PLCB4: variants seen among roughly 807,000 people sequenced by gnomAD.
PLCB4 encodes 1-phosphatidylinositol 4,5-bisphosphate phosphodiesterase beta-4.
Under a neutral mutation model 178.8 loss-of-function variants are expected in PLCB4, and 77 were observed. The observed-to-expected ratio is 0.43, with a 90% confidence interval of 0.36 to 0.52. The LOEUF is 0.52. PLCB4 is among the 20% of genes least tolerant of loss of function. The pLI, the probability that PLCB4 is intolerant of heterozygous loss-of-function variation, is 0.00. For missense variants in PLCB4, 1,024 were observed against 1,453.4 expected (o/e 0.70, Z 4.80); for synonymous variants, 496 against 490.8 (o/e 1.01, Z -0.14).
chr20:9,114,620 G>T (rs1372147096), intron 2 of PLCB4, among the ~76,000 whole-genome samples: 1 of 152,106 alleles, frequency 6.6e-6, no homozygotes. Flanking sequence ...TCAAATGTGG[G>T]ATTAATCAGG....
At chr20:9,180,721 C>T (rs908978028) in intron 2 of PLCB4, among the ~76,000 whole-genome samples, 2 of 152,138 alleles carry the variant, frequency 1.3e-5, no homozygotes, top group Non-Finnish European at 2.9e-5. Context: ...ATCACATTCA[C>T]GCCCATTTCA....
At chr20:9,382,607 C>T (rs958027445) in intron 13 of PLCB4, among the ~76,000 whole-genome samples, 1 of 152,120 alleles carries the variant, frequency 6.6e-6, no homozygotes, top group Non-Finnish European at 1.5e-5. Context: ...GATCCTTCTG[C>T]CTGGACTGGT....
At chr20:9,220,059 A>C (rs997163605) in intron 3 of PLCB4, among the ~76,000 whole-genome samples, 8 of 152,190 alleles carry the variant, frequency 5.3e-5, no homozygotes, top group African/African-American at 1.7e-4. Context: ...AAACTCCTAA[A>C]ATAGAAAATA....
At chr20:9,174,083 C>G (rs997523011) in intron 2 of PLCB4, among the ~76,000 whole-genome samples, 1 of 152,084 alleles carries the variant, frequency 6.6e-6, no homozygotes, top group Non-Finnish European at 1.5e-5. Flanking sequence ...TAAAACAACT[C>G]TCCTTTATTT....
intron 33 of PLCB4, 32 bp downstream of exon 33, chr20:9,453,494 C>G (rs1371752259): frequency 7.8e-6 from 10 of 1,278,618 alleles, no homozygotes; most frequent in Non-Finnish European, 1.1e-5. Context: ...TGAAGACTTT[C>G]TCTATGTTTA....
intron 12 of PLCB4, among the ~76,000 whole-genome samples, chr20:9,375,155 A>G (rs944335213): frequency 1.1e-4 from 17 of 152,176 alleles, no homozygotes; most frequent in Admixed American, 2.6e-4. Context: ...AGACAAAAAC[A>G]TGAATGTCGG....
Position 9,123,194 on chromosome 20 carries a change from G to A in PLCB4, c.-79+26852G>A, listed in dbSNP as rs535585673. ...AAATTGGAGATTTCCATTTGATTCA[G>A]TGAAGCTACAGTCTATTAAAAAAAG... On this transcript the variant is annotated intron_variant, in intron 2 of 39. Coordinates refer to ENST00000378473, the MANE Select transcript of PLCB4 (RefSeq NM_001377142.1). 2.0e-5 allele frequency among the ~76,000 whole-genome samples: 3 copies of A among 152,226 alleles called. No individual in the cohort carries two copies. In the East Asian group the frequency reaches 5.8e-4, roughly 29 times the overall value.
At chr20:9,088,017 T>C (rs963490458) in intron 1 of PLCB4, among the ~76,000 whole-genome samples, 1 of 152,208 alleles carries the variant, frequency 6.6e-6, no homozygotes, top group Non-Finnish European at 1.5e-5. Context: ...AGCCTGCTTC[T>C]ACTTCTACTG....
At chr20:9,304,030 C>A (rs1472810647) in intron 3 of PLCB4, among the ~76,000 whole-genome samples, 2 of 152,008 alleles carry the variant, frequency 1.3e-5, no homozygotes, top group Non-Finnish European at 2.9e-5. Flanking sequence ...GTGTCTCTCA[C>A]TCTTGCTCTA....
chr20:9,131,657 C>G (rs776552526), intron 2 of PLCB4, among the ~76,000 whole-genome samples: 75 of 152,290 alleles, frequency 4.9e-4, no homozygotes, highest in Middle Eastern at 6.8e-3. Context: ...GCAAAAGAAT[C>G]TGGTTTACAA....
chr20:9,369,652 G>A (rs934345806), intron 9 of PLCB4, among the ~76,000 whole-genome samples: 2 of 152,138 alleles, frequency 1.3e-5, no homozygotes, highest in Admixed American at 6.6e-5. Context: ...CTTGGACCTG[G>A]CATGAAACAA....
chr20:9,110,716 C>T (rs1358767371), intron 2 of PLCB4, among the ~76,000 whole-genome samples: 1 of 152,118 alleles, frequency 6.6e-6, no homozygotes, highest in African/African-American at 2.4e-5. Flanking sequence ...TCCTTTTCTC[C>T]AACTTAGTGT....
intron 3 of PLCB4, among the ~76,000 whole-genome samples, chr20:9,278,092 A>G (rs1260260069): frequency 6.6e-6 from 1 of 151,990 alleles, no homozygotes; most frequent in African/African-American, 2.4e-5. Flanking sequence ...CAGAGAACAG[A>G]AGCTTGCTTA....
chr20:9,097,272 T>C (rs2090954236), intron 2 of PLCB4, among the ~76,000 whole-genome samples: 1 of 150,574 alleles, frequency 6.6e-6, no homozygotes, highest in African/African-American at 2.5e-5. Flanking sequence ...TCTCATACTT[T>C]TTATTCTGAA....
At chr20:9,338,101 G>T (rs773160778) in intron 6 of PLCB4, 34 bp downstream of exon 6, 1 of 1,416,548 alleles carries the variant, frequency 7.1e-7, no homozygotes, top group African/African-American at 1.4e-5. Flanking sequence ...TTCTAAACAC[G>T]GATTTACTTA....
intron 2 of PLCB4, among the ~76,000 whole-genome samples, chr20:9,215,189 C>T (rs1404543827): frequency 1.3e-5 from 2 of 152,046 alleles, no homozygotes; most frequent in Admixed American, 6.6e-5. Context: ...CTGTGCCAGG[C>T]GTTATGGTAG....
intron 33 of PLCB4, among the ~76,000 whole-genome samples, chr20:9,455,098 T>C (rs954086128): frequency 3.3e-5 from 5 of 152,214 alleles, no homozygotes; most frequent in Non-Finnish European, 7.3e-5. Context: ...CTATTTCTTT[T>C]TTGTAAATTA....
chr20:9,290,602 G>A (rs1198260551), intron 3 of PLCB4, among the ~76,000 whole-genome samples: 1 of 152,072 alleles, frequency 6.6e-6, no homozygotes, highest in East Asian at 1.9e-4. Context: ...ACAAGGATTT[G>A]GCATCTTGAA....
chr20:9,394,830 G>A (rs1300905126), intron 18 of PLCB4, among the ~76,000 whole-genome samples: 5 of 152,108 alleles, frequency 3.3e-5, no homozygotes, highest in African/African-American at 1.2e-4. Context: ...TCATATATGA[G>A]AGTGCCTGTT....
Sources: allele counts gnomAD v4.1 joint callset (sites outside exome capture counted in the v4.1 genomes callset), GRCh38; gene constraint gnomAD v4.1.1; transcripts MANE v1.5; gene names NCBI Gene and HGNC (gene_info 2026-07-23, HGNC 2026-07-21).